The following USH2A variants were observed in gnomAD, a reference collection of about 807,000 sequenced individuals.
USH2A encodes Usher syndrome 2A (autosomal recessive, mild).
Under a neutral mutation model 538.9 loss-of-function variants are expected in USH2A, and 443 were observed. The ratio of observed to expected loss-of-function variants is 0.82; its 90% CI spans 0.76 to 0.89. The LOEUF (loss-of-function observed/expected upper bound fraction) is 0.89, where lower values mean the gene tolerates loss of function less well. Ranked by LOEUF, USH2A falls within the 40% of genes least tolerant of loss-of-function variation. The probability of loss-of-function intolerance (pLI) is 0.00; values close to 1 mark genes in which losing one functional copy is unlikely to be tolerated. For synonymous variants in USH2A, 2,413 were observed against 2,273.5 expected (o/e 1.06, Z -1.75); for missense variants, 6,633 against 6,324.8 (o/e 1.05, Z -1.65).
chr1:216,364,369 G>T (rs978249209), intron 4 of USH2A, among the ~76,000 whole-genome samples: 26 of 152,098 alleles, frequency 1.7e-4, no homozygotes, highest in Non-Finnish European at 3.7e-4. Context: ...CTTAAAAACT[G>T]ATCAGAATAA....
chr1:216,344,098 T>C (rs1436516551), intron 4 of USH2A, among the ~76,000 whole-genome samples: 1 of 152,096 alleles, frequency 6.6e-6, no homozygotes, highest in Non-Finnish European at 1.5e-5. Flanking sequence ...TTTTTATTGC[T>C]GATTACAGAT....
intron 20 of USH2A, 40 bp from the exon 21 acceptor site, chr1:216,175,522 T>G (rs778059364): frequency 1.3e-5 from 21 of 1,595,992 alleles, no homozygotes; most frequent in Non-Finnish European, 1.7e-5. Context: ...AAGAATTTGG[T>G]TTCTGTCTCT....
At chr1:215,826,131 T>G (rs1200665096) in intron 47 of USH2A, among the ~76,000 whole-genome samples, 1 of 152,192 alleles carries the variant, frequency 6.6e-6, no homozygotes, top group Non-Finnish European at 1.5e-5. Flanking sequence ...ATGGCATAGA[T>G]GGATGAGTTT....
At chr1:216,264,295 C>G (rs530480688) in intron 11 of USH2A, among the ~76,000 whole-genome samples, 10 of 151,698 alleles carry the variant, frequency 6.6e-5, no homozygotes, top group Admixed American at 5.9e-4. Flanking sequence ...CCAGAATAGA[C>G]AAAGCAATTT....
chr1:215,781,408 C>T (rs549433956), intron 54 of USH2A, among the ~76,000 whole-genome samples: 1 of 152,266 alleles, frequency 6.6e-6, no homozygotes, highest in South Asian at 2.1e-4. Flanking sequence ...AGAATAGCAC[C>T]ATGATCCACA....
intron 37 of USH2A, among the ~76,000 whole-genome samples, chr1:215,963,866 C>G (rs1472394781): frequency 6.6e-6 from 1 of 152,020 alleles, no homozygotes. Context: ...TGACTGCCAA[C>G]CATGAACCGA....
chr1:216,322,499 T>G (rs920485117), intron 8 of USH2A, among the ~76,000 whole-genome samples: 1 of 151,496 alleles, frequency 6.6e-6, no homozygotes, highest in African/African-American at 2.4e-5. Flanking sequence ...CCCAGTTACT[T>G]TGGAGGCTGA....
intron 61 of USH2A, among the ~76,000 whole-genome samples, chr1:215,693,516 T>C (rs1658691857): frequency 6.6e-6 from 1 of 152,204 alleles, no homozygotes; most frequent in African/African-American, 2.4e-5. Flanking sequence ...AGGTAAAATG[T>C]ACTTGTGAAG....
chr1:215,852,466 CT>C (rs1664043091), intron 44 of USH2A, among the ~76,000 whole-genome samples: 1 of 152,146 alleles, frequency 6.6e-6, no homozygotes, highest in Non-Finnish European at 1.5e-5. Context: ...CCATATCATG[CT>C]GCCCTGGTCC....
At chr1:216,309,407 T>C (rs1242951327) in intron 9 of USH2A, among the ~76,000 whole-genome samples, 1 of 152,102 alleles carries the variant, frequency 6.6e-6, no homozygotes, top group Non-Finnish European at 1.5e-5. Context: ...AGGTGGATGT[T>C]GTTTTCTCTT....
chr1:216,181,448 T>A (rs189647675), intron 20 of USH2A, among the ~76,000 whole-genome samples: 1 of 152,228 alleles, frequency 6.6e-6, no homozygotes, highest in Non-Finnish European at 1.5e-5. Context: ...TACCTTAGCA[T>A]GGCATACAAA....
chr1:215,686,700 C>T (rs1321095720), intron 61 of USH2A, among the ~76,000 whole-genome samples: 1 of 152,038 alleles, frequency 6.6e-6, no homozygotes, highest in East Asian at 1.9e-4. Context: ...TGGTATAGAT[C>T]ATGGTCAGTG....
At chr1:216,077,586 T>C (rs895335991) in intron 27 of USH2A, among the ~76,000 whole-genome samples, 1 of 148,932 alleles carries the variant, frequency 6.7e-6, no homozygotes, top group East Asian at 1.9e-4. Flanking sequence ...ATTATATATA[T>C]AATTATGTAT....
intron 11 of USH2A, among the ~76,000 whole-genome samples, chr1:216,271,894 T>C (rs746749501): frequency 2.6e-5 from 4 of 152,152 alleles, no homozygotes; most frequent in Admixed American, 2.0e-4. Context: ...CTATTATATA[T>C]TGCAGGATTC....
At chr1:216,064,907 T>C (rs755323463) in intron 30 of USH2A, among the ~76,000 whole-genome samples, 4 of 152,120 alleles carry the variant, frequency 2.6e-5, no homozygotes, top group Non-Finnish European at 5.9e-5. Context: ...TAGCAATGCA[T>C]GACTGTACCT....
At chr1:215,663,730 G>T (rs1402794968) in intron 64 of USH2A, among the ~76,000 whole-genome samples, 1 of 152,148 alleles carries the variant, frequency 6.6e-6, no homozygotes, top group Non-Finnish European at 1.5e-5. Flanking sequence ...CTCTAAGGTG[G>T]ATGGGTAATA....
At chr1:216,269,886 G>C (rs2036543026) in intron 11 of USH2A, among the ~76,000 whole-genome samples, 2 of 152,048 alleles carry the variant, frequency 1.3e-5, no homozygotes, top group Non-Finnish European at 1.5e-5. Flanking sequence ...ACAGAAAAGA[G>C]TAAGATCCTG....
intron 37 of USH2A, among the ~76,000 whole-genome samples, chr1:215,952,499 G>A (rs929555969): frequency 1.3e-5 from 2 of 152,134 alleles, no homozygotes; most frequent in South Asian, 4.1e-4. Context: ...ATTTGGCATG[G>A]TTTTGCAGTG....
chr1:216,233,543 T>C (rs1015248715), intron 13 of USH2A, among the ~76,000 whole-genome samples: 1 of 152,006 alleles, frequency 6.6e-6, no homozygotes, highest in Non-Finnish European at 1.5e-5. Context: ...GCTTGGCACA[T>C]AGTAGGCATT....
Sources: allele counts gnomAD v4.1 joint callset (sites outside exome capture counted in the v4.1 genomes callset), GRCh38; gene constraint gnomAD v4.1.1; transcripts MANE v1.5; gene names NCBI Gene and HGNC (gene_info 2026-07-23, HGNC 2026-07-21).